The following RNF213 variants were observed in gnomAD, a reference collection of about 807,000 sequenced individuals.
RNF213 encodes ring finger protein 213.
Under a neutral mutation model 514.4 loss-of-function variants are expected in RNF213, and 341 were observed. That is an observed-to-expected ratio of 0.66 (90% CI 0.61 to 0.73). The LOEUF is 0.73. Ranked by LOEUF, RNF213 falls within the 30% of genes least tolerant of loss-of-function variation. The pLI is 0.00. For synonymous variants in RNF213, 2,655 were observed against 2,658.2 expected (o/e 1.00, Z 0.04); for missense variants, 5,767 against 6,615.6 (o/e 0.87, Z 4.45).
At chr17:80,313,632 ATGG>A (rs577491071) in intron 15 of RNF213, among the ~76,000 whole-genome samples, 5,633 of 109,976 alleles carry the variant, frequency 0.051, 417 homozygotes, top group African/African-American at 0.18. Context: ...GGTGGAGGTG[ATGG>A]TGGTGATGGT....
In RNF213 at chr17:80,289,733, T is replaced by C. The variant is rs2044622360; in HGVS notation, c.1008T>C (p.Pro336=). The C allele has an allele frequency of 1.2e-6, 2 of 1,613,964 alleles. No individual in the cohort carries two copies. The highest frequency in any genetic ancestry group is 2.7e-5 in the African/African-American group (2 of 74,950). The change falls in exon 6 of 68, where the codon CCT becomes CCC. Residue 336 remains proline (P), a synonymous_variant. Transcript: ENST00000582970. ...TCGGTAAGAATGAACAAGGGGAGCC[T>C]GAAGACCTCAAGAAGCCAGAGGGGA... The part of the protein sequence containing the change: ...EKVGKNEQGE[P]EDLKKPEGKN...
chr17:80,336,502 T>C, intron 23 of RNF213, 124 bp downstream of exon 23: 1 of 849,174 alleles, frequency 1.2e-6, no homozygotes, highest in Non-Finnish European at 1.9e-6. Flanking sequence ...CCGTTTTCAA[T>C]GATATTTAAA....
Position 80,306,380 on chromosome 17 carries a change from A to G in RNF213, c.2339A>G (p.His780Arg). 6.2e-7 allele frequency: 1 copy of G among 1,614,126 alleles called. No homozygotes were observed. Among genetic ancestry groups the G allele is most frequent in the Non-Finnish European group, 8.5e-7 (1 of 1,180,018 alleles). The change falls in exon 12 of 68, where the codon CAC becomes CGC. Residue 780 changes from histidine (H) to arginine (R), a missense_variant. His to Arg is a conservative substitution (Grantham distance 29, BLOSUM62 0). Transcript: ENST00000582970. ...LVMYMENFIE[H>R]LGRFPAHILD... ...ATGTATATGGAAAACTTCATTGAGC[A>G]CCTGGGTCGTTTTCCTGCTCATATC... is the stretch of plus-strand genomic sequence containing the variant.
At chr17:80,275,656 CTTTAT>C (rs1182571260) in intron 3 of RNF213, among the ~76,000 whole-genome samples, 2 of 151,872 alleles carry the variant, frequency 1.3e-5, no homozygotes, top group African/African-American at 2.4e-5. Flanking sequence ...ATTATTTTTT[CTTTAT>C]TTTATTTTAT....
intron 16 of RNF213, among the ~76,000 whole-genome samples, chr17:80,318,561 G>A (rs1356051588): frequency 6.6e-6 from 1 of 152,018 alleles, no homozygotes; most frequent in Non-Finnish European, 1.5e-5. Flanking sequence ...TATGTGATAT[G>A]AGAGTTTTAT....
intron 22 of RNF213, 84 bp from the exon 23 acceptor site, chr17:80,336,077 C>A: frequency 9.0e-7 from 1 of 1,110,922 alleles, no homozygotes; most frequent in Non-Finnish European, 1.3e-6. Flanking sequence ...TCCATTTCAG[C>A]TTCAGTAAGG....
chr17:80,333,936 T>A, intron 21 of RNF213, 169 bp from the exon 22 acceptor site: 1 of 666,924 alleles, frequency 1.5e-6, no homozygotes, highest in Admixed American at 2.4e-5. Flanking sequence ...GCCATGGGGG[T>A]TTGATCATCC....
intron 67 of RNF213, among the ~76,000 whole-genome samples, chr17:80,391,738 T>C (rs752446568): frequency 6.6e-6 from 1 of 151,010 alleles, no homozygotes; most frequent in Non-Finnish European, 1.5e-5. Context: ...GGATCTTCCT[T>C]ATCCCAGGAT....
Position 80,306,355 on chromosome 17 carries a change from A to G in RNF213, c.2314A>G (p.Met772Val). 1.2e-6 allele frequency: 2 copies of G among 1,614,130 alleles called. No homozygotes were observed. The highest frequency in any genetic ancestry group is 8.5e-7 in the Non-Finnish European group (1 of 1,180,032). ...FSLLPLSHLV[M>V]YMENFIEHLG... is the part of the protein sequence containing the mutation. The stretch of plus-strand genomic sequence containing the variant: ...TCTGCTACCTCTGAGTCACCTGGTT[A>G]TGTATATGGAAAACTTCATTGAGCA... Residue 772 changes from methionine to valine, a missense_variant, in exon 12 of 68, where the codon ATG (methionine) becomes GTG (valine). Coordinates refer to ENST00000582970, the MANE Select transcript of RNF213 (RefSeq NM_001256071.3).
At chr17:80,393,304 TGAG>T in intron 67 of RNF213, 38 bp from the exon 68 acceptor site, 1 of 1,603,760 alleles carries the variant, frequency 6.2e-7, no homozygotes, top group Non-Finnish European at 8.5e-7. Flanking sequence ...GCCACCATGC[TGAG>T]GAGACTGTTT....
Position 80,376,419 on chromosome 17 carries a change from G to C in RNF213, c.13304G>C (p.Ser4435Thr). The C allele has an allele frequency of 6.2e-7, 1 of 1,614,246 alleles. No homozygotes were observed. The highest frequency in any genetic ancestry group is 8.5e-7 in the Non-Finnish European group (1 of 1,180,050). Residue 4435 changes from serine (S) to threonine (T), a missense_variant, in exon 52 of 68, where the codon AGT becomes ACT. By Grantham distance (58) the Ser-to-Thr change is moderately conservative (BLOSUM62 1). Coordinates refer to ENST00000582970, the MANE Select transcript of RNF213 (RefSeq NM_001256071.3). ...NSVPLLRAGP[S>T]DSNLDGTVTE... ...GTGCCATTGTTGAGGGCGGGGCCTA[G>C]TGACAGCAACCTTGATGGAACGGTG... is the stretch of plus-strand genomic sequence containing the variant.
At chr17:80,304,500 C>T (rs1020428610) in intron 11 of RNF213, among the ~76,000 whole-genome samples, 14 of 151,816 alleles carry the variant, frequency 9.2e-5, no homozygotes, top group African/African-American at 3.1e-4. Flanking sequence ...ATGAGCCGGG[C>T]GTGGTGGCAG....
intron 17 of RNF213, chr17:80,321,475 A>G (rs1011782417): frequency 6.6e-6 from 1 of 152,136 alleles, no homozygotes; most frequent in African/African-American, 2.4e-5. Context: ...ATTAGTGTAC[A>G]TATTTATGTG....
rs1231941167 is a variant in RNF213, at chr17:80,327,464, G to A, written c.3194-352G>A. Reference sequence around the variant, plus strand: ...CCACTGCACTCCAGCCTGGGTGACAGAGAGAGACCCTGTCAAAAAAAAAAA... The same window carrying A: ...CCACTGCACTCCAGCCTGGGTGACAAAGAGAGACCCTGTCAAAAAAAAAAA... On this transcript the variant is annotated intron_variant, in intron 18 of 67. Transcript: ENST00000582970. Among the ~76,000 whole-genome samples the A allele has an allele frequency of 9.4e-5, 14 of 149,064 alleles. 1 individual carries two copies. Among genetic ancestry groups the A allele is most frequent in the Middle Eastern group, 3.4e-3 (1 of 290 alleles).
At position 80,328,473 on chromosome 17, in the gene RNF213, A is replaced by G; in HGVS notation, c.3513A>G (p.Ile1171Met). ...LKMCGNVKHL[I>M]QVDFGVLAVR... Reference sequence around the variant, plus strand: ...TGTGTGGGAACGTGAAACATCTGATACAAGGTGGTATTCCTGAGAAGTGAA... The same window carrying G: ...TGTGTGGGAACGTGAAACATCTGATGCAAGGTGGTATTCCTGAGAAGTGAA... The change falls in exon 20 of 68, where the codon ATA becomes ATG. Residue 1171 changes from isoleucine (I) to methionine (M), a missense_variant. Physicochemically the swap from Ile to Met is conservative, Grantham distance 10. This residue lies in a region of RNF213 where 516 missense variants were observed against 566.5 expected (regional missense o/e 0.91). Coordinates refer to ENST00000582970, the MANE Select transcript of RNF213 (RefSeq NM_001256071.3). 1 of 1,537,280 alleles carries G rather than the reference A, an allele frequency of 6.5e-7. No individual in the cohort carries two copies. Among genetic ancestry groups the G allele is most frequent in the Non-Finnish European group, 8.7e-7 (1 of 1,146,902 alleles).
intron 2 of RNF213, among the ~76,000 whole-genome samples, chr17:80,271,294 A>G (rs1260542603): frequency 1.3e-5 from 2 of 152,238 alleles, no homozygotes; most frequent in Admixed American, 6.5e-5. Context: ...TTTGTTATCA[A>G]TTTTGAGTCC....
chr17:80,343,104 A>G lies in RNF213; in HGVS notation c.5990-28A>G, dbSNP rs971710815. On this transcript the variant is annotated intron_variant, in intron 26 of 67. Coordinates refer to ENST00000582970, the MANE Select transcript of RNF213 (RefSeq NM_001256071.3). This position sits in a 1 kb window ranked among gnomAD's most constrained non-coding sequence, Gnocchi z 4.3. ...ATTACAGGTGTGAGCCACCACTCCC[A>G]GCCCTAATTTCTGTATTAATGTTAT... is the stretch of plus-strand genomic sequence containing the variant. 3.1e-6 allele frequency: 5 copies of G among 1,594,894 alleles called. No homozygotes were observed. In the African/African-American group the frequency reaches 5.4e-5, roughly 17 times the overall value.
chr17:80,356,627 T>TA (rs1367920750), intron 36 of RNF213, among the ~76,000 whole-genome samples: 5 of 152,232 alleles, frequency 3.3e-5, no homozygotes, highest in East Asian at 1.9e-4. Flanking sequence ...CCTGTCCAGA[T>TA]ACAGCAGAAC....
intron 64 of RNF213, chr17:80,388,935 CG>C: frequency 1.6e-6 from 1 of 621,254 alleles, no homozygotes; most frequent in Non-Finnish European, 2.9e-6. Context: ...CCTGCTGAAG[CG>C]GGAAGTCCAT....
Sources: allele counts gnomAD v4.1 joint callset (sites outside exome capture counted in the v4.1 genomes callset), GRCh38; gene constraint gnomAD v4.1.1; regional missense constraint gnomAD v4.1.1; non-coding constraint Gnocchi (gnomAD v3.1); transcripts MANE v1.5; gene names NCBI Gene and HGNC (gene_info 2026-07-23, HGNC 2026-07-21).